RYR3: variants seen among roughly 807,000 people sequenced by gnomAD.
RYR3 encodes ryanodine receptor 3, also known as brain ryanodine receptor-calcium release channel.
A neutral mutation model predicts 584.3 loss-of-function variants in RYR3; 207 were observed. The ratio of observed to expected loss-of-function variants is 0.35; its 90% CI spans 0.32 to 0.40. The LOEUF (loss-of-function observed/expected upper bound fraction) is 0.40, where lower values mean the gene tolerates loss of function less well. Ranked by LOEUF, RYR3 falls within the 10% of genes least tolerant of loss-of-function variation. RYR3 has a pLI of 1.00. For synonymous variants in RYR3, 2,416 were observed against 2,248.5 expected (o/e 1.07, Z -2.11); for missense variants, 5,616 against 6,089.2 (o/e 0.92, Z 2.59).
At position 33,662,275 on chromosome 15, in the gene RYR3, G is replaced by A. The variant is rs1238658419; in HGVS notation, c.4745G>A (p.Ser1582Asn). 6.2e-7 allele frequency: 1 copy of A among 1,610,808 alleles called. No homozygotes were observed. Among genetic ancestry groups the A allele is most frequent in the South Asian group, 1.1e-5 (1 of 90,158 alleles). Residue 1582 changes from serine (S) to asparagine (N), a missense_variant, in exon 35 of 104, where the codon AGC becomes AAC. Coordinates refer to ENST00000634891, the MANE Select transcript of RYR3 (RefSeq NM_001036.6). ...GNSRVAYALC[S>N]HVDLSQLFYA... ...AGCCGCGTGGCCTACGCCCTGTGCA[G>A]CCACGTGGACCTCTCCCAGCTCTTC...
intron 70 of RYR3, chr15:33,807,858 A>C: frequency 8.6e-6 from 4 of 463,998 alleles, no homozygotes; most frequent in East Asian, 7.5e-5. Flanking sequence ...CACCACACTA[A>C]CAGAGATAGG....
At position 33,654,822 on chromosome 15, in the gene RYR3, G is replaced by A. The variant is rs565936981; in HGVS notation, c.4308+1939G>A. Among the ~76,000 whole-genome samples, 5 of 152,314 alleles carry A rather than the reference G, an allele frequency of 3.3e-5. No individual in the cohort carries two copies. The East Asian group carries it at 9.6e-4, about 29-fold the overall frequency. ...AAAAACATCCTGCTATGATGTACAT[G>A]GATAAAACCCCTGATTCTTAAATCA... On this transcript the variant is annotated intron_variant, in intron 32 of 103. Coordinates refer to ENST00000634891, the MANE Select transcript of RYR3 (RefSeq NM_001036.6).
intron 1 of RYR3, among the ~76,000 whole-genome samples, chr15:33,356,866 A>C (rs2596183): frequency 6.6e-6 from 1 of 152,108 alleles, no homozygotes; most frequent in Non-Finnish European, 1.5e-5. Context: ...GGTAGTAATA[A>C]TTATAATATG....
intron 52 of RYR3, among the ~76,000 whole-genome samples, chr15:33,744,526 C>A (rs895838998): frequency 2.6e-5 from 4 of 152,186 alleles, no homozygotes; most frequent in African/African-American, 9.6e-5. Flanking sequence ...TGTGGGGCAG[C>A]TTGTTCAGGG....
intron 90 of RYR3, 138 bp downstream of exon 90, chr15:33,841,021 C>T: frequency 1.4e-6 from 1 of 727,926 alleles, no homozygotes; most frequent in Non-Finnish European, 2.3e-6. Flanking sequence ...ACTTCGAGAC[C>T]ATCCTGGGCA....
In RYR3 at chr15:33,726,379, C is replaced by A. The variant is rs372140871; in HGVS notation, c.6913-7C>A. The A allele has an allele frequency of 1.9e-4, 307 of 1,612,950 alleles. No homozygotes were observed. Among genetic ancestry groups the A allele is most frequent in the Non-Finnish European group, 2.5e-4 (300 of 1,179,610 alleles). Reference sequence around the variant, plus strand: ...TATCTAATGTCATTCTCAACCCTATCTTCCAGCTCATCCAGACAGGAAAGG... The same window carrying A: ...TATCTAATGTCATTCTCAACCCTATATTCCAGCTCATCCAGACAGGAAAGG... On this transcript the variant is annotated splice_region_variant and splice_polypyrimidine_tract_variant and intron_variant, in intron 45 of 103. Coordinates refer to ENST00000634891, the MANE Select transcript of RYR3 (RefSeq NM_001036.6).
chr15:33,842,409 T>C (rs2278313), intron 91 of RYR3, among the ~76,000 whole-genome samples: 27,902 of 152,180 alleles, frequency 0.18, 3,151 homozygotes, highest in East Asian at 0.51. Context: ...AGAAAGAATG[T>C]TCCTCTTATG....
rs749533862 is a variant in RYR3, at chr15:33,838,215, C to A, written c.12235C>A (p.Gln4079Lys). The A allele has an allele frequency of 9.3e-6, 15 of 1,613,834 alleles. No homozygotes were observed. Among genetic ancestry groups the A allele is most frequent in the Non-Finnish European group, 1.3e-5 (15 of 1,179,892 alleles). Residue 4079 changes from glutamine (Q) to lysine (K), a missense_variant, in exon 89 of 104, where the codon CAG becomes AAG. By Grantham distance (53) the Gln-to-Lys change is moderately conservative (BLOSUM62 1). Coordinates refer to ENST00000634891, the MANE Select transcript of RYR3 (RefSeq NM_001036.6). ...IFDVVNEGGE[Q>K]EKMELFVNFC... ...TGATGTTGTCAATGAAGGTGGGGAG[C>A]AGGAAAAGATGGAGCTGTTTGTGAA... is the stretch of plus-strand genomic sequence containing the variant.
intron 2 of RYR3, among the ~76,000 whole-genome samples, chr15:33,489,963 T>C (rs2050831080): frequency 6.6e-6 from 1 of 152,186 alleles, no homozygotes; most frequent in South Asian, 2.1e-4. Context: ...TTTTAAATAA[T>C]GACCTGACCA....
chr15:33,742,171 G>T lies in RYR3; in HGVS notation c.7821-195G>T, dbSNP rs542188464. ...ATGTTCCATGGTTAGACTTGGGTGC[G>T]TCCGTGACCTAACCCTGGCTATGCC... On this transcript the variant is annotated intron_variant, in intron 51 of 103. Transcript: ENST00000634891. Among the ~76,000 whole-genome samples the T allele has an allele frequency of 5.3e-5, 8 of 152,266 alleles. No individual in the cohort carries two copies. The South Asian group carries it at 1.7e-3, about 32-fold the overall frequency.
intron 2 of RYR3, among the ~76,000 whole-genome samples, chr15:33,491,068 G>A (rs755940340): frequency 3.0e-4 from 46 of 152,114 alleles, no homozygotes; most frequent in Non-Finnish European, 5.9e-4. Context: ...TCTTATGCAG[G>A]TGGTCTACAG....
chr15:33,347,085 A>G (rs938276644), intron 1 of RYR3, among the ~76,000 whole-genome samples: 1 of 152,146 alleles, frequency 6.6e-6, no homozygotes, highest in Non-Finnish European at 1.5e-5. Context: ...ATGGGTCCAT[A>G]TTATCAATAT....
At chr15:33,839,951 G>C (rs947970574) in intron 89 of RYR3, among the ~76,000 whole-genome samples, 1 of 152,196 alleles carries the variant, frequency 6.6e-6, no homozygotes, top group African/African-American at 2.4e-5. Context: ...CTATGTGCCA[G>C]CCTGTGTTCT....
chr15:33,380,756 G>A (rs1180419126), intron 1 of RYR3, among the ~76,000 whole-genome samples: 3 of 152,208 alleles, frequency 2.0e-5, no homozygotes, highest in African/African-American at 2.4e-5. Flanking sequence ...CAGAGCCCAC[G>A]AAGCAGCACA....
At chr15:33,434,063 C>T (rs972735959) in intron 1 of RYR3, among the ~76,000 whole-genome samples, 16 of 152,122 alleles carry the variant, frequency 1.1e-4, no homozygotes, top group Admixed American at 7.2e-4. Context: ...TAGTTTGCAC[C>T]TTTTCTGATG....
In RYR3 at chr15:33,818,697, A is replaced by G. The variant is rs1311094007; in HGVS notation, c.10706+13A>G. ...TCACGGAGAGGAGGTCAGAACCACC[A>G]GCTCACCTGCTTCTCCCAGGCACCA... On this transcript the variant is annotated intron_variant, in intron 76 of 103. Coordinates refer to ENST00000634891, the MANE Select transcript of RYR3 (RefSeq NM_001036.6). 6.3e-7 allele frequency: 1 copy of G among 1,588,416 alleles called. No homozygotes were observed. The highest frequency in any genetic ancestry group is 1.1e-5 in the South Asian group (1 of 90,158).
chr15:33,489,488 TGAG>T (rs1186235142), intron 2 of RYR3, among the ~76,000 whole-genome samples: 1 of 152,244 alleles, frequency 6.6e-6, no homozygotes, highest in Non-Finnish European at 1.5e-5. Context: ...ATTAGTTTAC[TGAG>T]GATATTAGCC....
At chr15:33,333,916 G>A (rs1224813837) in intron 1 of RYR3, among the ~76,000 whole-genome samples, 1 of 151,838 alleles carries the variant, frequency 6.6e-6, no homozygotes, top group African/African-American at 2.4e-5. Context: ...CTAGCCAAGA[G>A]CCAAATCAAT....
Position 33,812,911 on chromosome 15 carries a change from C to G in RYR3, c.10306C>G (p.Leu3436Val), listed in dbSNP as rs199774214. Residue 3436 changes from leucine (L) to valine (V), a missense_variant, in exon 73 of 104, where the codon CTG becomes GTG. By Grantham distance (32) the Leu-to-Val change is conservative. Transcript: ENST00000634891. ...KWQLNLYKDV[L>V]KSEEPFNPEK... ...GCAACTGAACCTCTACAAGGATGTT[C>G]TGAAGAGTGAAGAACCTTTCAATCC... is the stretch of plus-strand genomic sequence containing the variant. 86 of 1,613,862 alleles carry G rather than the reference C, an allele frequency of 5.3e-5. 1 individual carries two copies. Among genetic ancestry groups the G allele is most frequent in the Middle Eastern group, 1.6e-4 (1 of 6,084 alleles).
Sources: gnomAD v4.1 joint callset for allele counts (sites outside exome capture counted in the v4.1 genomes callset) on GRCh38, gnomAD v4.1.1 for gene constraint, MANE v1.5 for transcripts, NCBI Gene and HGNC (gene_info 2026-07-23, HGNC 2026-07-21) for gene names.